SYT1: variants seen among roughly 807,000 people sequenced by gnomAD.
SYT1 encodes the protein synaptotagmin 1.
In SYT1, 8 loss-of-function variants were observed where a neutral mutation model predicts 44.8. The ratio of observed to expected loss-of-function variants is 0.18; its 90% CI spans 0.10 to 0.32. SYT1 has a LOEUF of 0.32. Among genes scored for constraint, SYT1 ranks in the 10% least tolerant of loss-of-function variants. SYT1 has a pLI of 1.00. For synonymous variants in SYT1, 154 were observed against 188.8 expected (o/e 0.82, Z 1.51); for missense variants, 286 against 509.3 (o/e 0.56, Z 4.22).
At chr12:78,910,469 T>A (rs2137124567) in intron 1 of SYT1, among the ~76,000 whole-genome samples, 1 of 152,128 alleles carries the variant, frequency 6.6e-6, no homozygotes, top group South Asian at 2.1e-4. Context: ...CCCTTTTAAT[T>A]GATTTCTCAG....
chr12:78,903,018 A>G (rs1161978189), intron 1 of SYT1, among the ~76,000 whole-genome samples: 1 of 152,154 alleles, frequency 6.6e-6, no homozygotes, highest in African/African-American at 2.4e-5. Flanking sequence ...TCATAGTATT[A>G]AATCAGCTGG....
At chr12:79,427,699 G>A (rs1484323525) in intron 9 of SYT1, among the ~76,000 whole-genome samples, 1 of 152,128 alleles carries the variant, frequency 6.6e-6, no homozygotes, top group Non-Finnish European at 1.5e-5. Flanking sequence ...AGAGGTATGG[G>A]AAAGGGACAT....
chr12:79,372,229 C>T (rs1218670203), intron 9 of SYT1, among the ~76,000 whole-genome samples: 3 of 151,982 alleles, frequency 2.0e-5, no homozygotes, highest in Non-Finnish European at 4.4e-5. Context: ...ACATTGTAGG[C>T]CCCCATGAAG....
At chr12:79,012,609 C>T (rs995801333) in intron 2 of SYT1, among the ~76,000 whole-genome samples, 3 of 152,078 alleles carry the variant, frequency 2.0e-5, no homozygotes, top group Non-Finnish European at 2.9e-5. Flanking sequence ...TATGTGGTCA[C>T]GTCACCATTA....
chr12:78,883,387 T>C (rs1874566870), intron 1 of SYT1, among the ~76,000 whole-genome samples: 2 of 151,846 alleles, frequency 1.3e-5, no homozygotes, highest in South Asian at 2.1e-4. Flanking sequence ...CTCACTTATA[T>C]ATTTCTTTTG....
chr12:79,253,130 T>C (rs1266520512), intron 4 of SYT1, among the ~76,000 whole-genome samples: 1 of 152,112 alleles, frequency 6.6e-6, no homozygotes, highest in Admixed American at 6.5e-5. Flanking sequence ...GACCAATCAA[T>C]GACAAAAAGA....
At chr12:79,380,555 C>T (rs562450822) in intron 9 of SYT1, among the ~76,000 whole-genome samples, 1 of 152,306 alleles carries the variant, frequency 6.6e-6, no homozygotes, top group Admixed American at 6.5e-5. Flanking sequence ...CCACCCTGCT[C>T]TGCTAATTTT....
intron 2 of SYT1, among the ~76,000 whole-genome samples, chr12:79,002,802 G>A (rs998677088): frequency 2.0e-5 from 3 of 151,966 alleles, no homozygotes; most frequent in Admixed American, 6.6e-5. Context: ...GAGAAACATA[G>A]GAGCCCCCTA....
At chr12:78,939,026 C>A (rs1878214489) in intron 1 of SYT1, among the ~76,000 whole-genome samples, 1 of 152,098 alleles carries the variant, frequency 6.6e-6, no homozygotes, top group Non-Finnish European at 1.5e-5. Context: ...GTCATGCAGC[C>A]ACCAAATAAC....
intron 8 of SYT1, among the ~76,000 whole-genome samples, chr12:79,300,672 C>G (rs1358345337): frequency 1.3e-5 from 2 of 151,154 alleles, no homozygotes; most frequent in African/African-American, 4.9e-5. Flanking sequence ...CAAAATGAGT[C>G]AAAAATACTT....
chr12:79,119,255 A>G (rs1269003585), intron 3 of SYT1, among the ~76,000 whole-genome samples: 1 of 152,094 alleles, frequency 6.6e-6, no homozygotes, highest in East Asian at 1.9e-4. Flanking sequence ...CCTCCATACT[A>G]CTGCTGGAGA....
intron 2 of SYT1, among the ~76,000 whole-genome samples, chr12:78,978,721 A>G (rs1044115084): frequency 6.6e-6 from 1 of 152,198 alleles, no homozygotes; most frequent in Non-Finnish European, 1.5e-5. Flanking sequence ...GGATTTCTAA[A>G]GAATAGCCTT....
chr12:79,073,025 A>G (rs1037689492), intron 3 of SYT1, among the ~76,000 whole-genome samples: 2 of 152,168 alleles, frequency 1.3e-5, no homozygotes. Context: ...TAAACAATGA[A>G]TAAGTTGTCA....
At position 79,307,327 on chromosome 12, in the gene SYT1, T is replaced by A. The variant is rs143111318; in HGVS notation, c.810+7776T>A. On this transcript the variant is annotated intron_variant, in intron 8 of 10. Coordinates refer to ENST00000261205, the MANE Select transcript of SYT1 (RefSeq NM_005639.3). ...CTTACTTGCTTTAAACATGATTAAA[T>A]TCTTGCCAATTATGAACAAGAACTT... Among the ~76,000 whole-genome samples the A allele has an allele frequency of 3.5e-3, 535 of 152,328 alleles. 3 individuals are homozygous for A. The highest frequency in any genetic ancestry group is 0.012 in the African/African-American group (493 of 41,572).
At chr12:79,370,411 A>T (rs1883732154) in intron 9 of SYT1, among the ~76,000 whole-genome samples, 1 of 152,220 alleles carries the variant, frequency 6.6e-6, no homozygotes. Context: ...ATGGAAATCC[A>T]TACTTGGTTC....
At chr12:78,964,621 A>G (rs1015368934) in intron 1 of SYT1, among the ~76,000 whole-genome samples, 10 of 146,566 alleles carry the variant, frequency 6.8e-5, no homozygotes, top group South Asian at 2.1e-4. Context: ...TTTGTGCTCT[A>G]AAGTGTTATA....
At chr12:79,207,516 C>A (rs1874194815) in intron 3 of SYT1, among the ~76,000 whole-genome samples, 1 of 152,154 alleles carries the variant, frequency 6.6e-6, no homozygotes, top group Admixed American at 6.5e-5. Context: ...TGTCCTGATG[C>A]TCTCCCTGCC....
At chr12:79,231,870 C>T (rs1875887744) in intron 4 of SYT1, among the ~76,000 whole-genome samples, 1 of 152,066 alleles carries the variant, frequency 6.6e-6, no homozygotes, top group Non-Finnish European at 1.5e-5. Flanking sequence ...GCAATTTATC[C>T]ATAATGCTGT....
intron 3 of SYT1, among the ~76,000 whole-genome samples, chr12:79,131,418 T>A (rs920507514): frequency 3.9e-5 from 6 of 152,134 alleles, no homozygotes; most frequent in African/African-American, 1.4e-4. Flanking sequence ...TTGTTTTGTG[T>A]GTGTGTGTTG....
Sources: allele counts gnomAD v4.1 joint callset (sites outside exome capture counted in the v4.1 genomes callset), GRCh38; gene constraint gnomAD v4.1.1; transcripts MANE v1.5; gene names NCBI Gene and HGNC (gene_info 2026-07-23, HGNC 2026-07-21).